Variants in APOL3 observed in about 807,000 individuals in gnomAD.
APOL3 encodes apolipoprotein L3.
A neutral mutation model predicts 11.6 loss-of-function variants in APOL3; 14 were observed. That is an observed-to-expected ratio of 1.21 (90% CI 0.80 to 1.89). APOL3 has a LOEUF of 1.89. Ranked by LOEUF, APOL3 falls within the 40% of genes most tolerant of loss-of-function variation. The probability of loss-of-function intolerance (pLI) is 0.00; values close to 1 mark genes in which losing one functional copy is unlikely to be tolerated. For missense variants in APOL3, 483 were observed against 492.1 expected, an observed-to-expected ratio of 0.98 and a Z score of 0.17; for synonymous variants, 192 against 190.6, an observed-to-expected ratio of 1.01 and a Z score of -0.06.
intron 1 of APOL3, among the ~76,000 whole-genome samples, chr22:36,155,191 C>T: frequency 6.6e-6 from 1 of 152,162 alleles, no homozygotes; most frequent in African/African-American, 2.4e-5. Context: ...CTGTCAGGCC[C>T]CTCAAAGGTA....
intron 1 of APOL3, chr22:36,149,724 C>T (rs751855966): frequency 5.1e-6 from 2 of 394,212 alleles, no homozygotes; most frequent in Non-Finnish European, 1.0e-5. Flanking sequence ...TCTTCCATGA[C>T]TGGGCTCCAC....
chr22:36,151,208 G>A (rs1285345671), intron 1 of APOL3, among the ~76,000 whole-genome samples: 1 of 152,182 alleles, frequency 6.6e-6, no homozygotes, highest in African/African-American at 2.4e-5. Flanking sequence ...ATGCCAAGGA[G>A]TTCTCATTTC....
upstream of APOL3, among the ~76,000 whole-genome samples, chr22:36,163,196 G>A (rs2013775861): frequency 6.6e-6 from 1 of 152,196 alleles, no homozygotes; most frequent in South Asian, 2.1e-4. Flanking sequence ...ACAGAGCCAG[G>A]AATCACCCTC....
At chr22:36,153,320 A>C in intron 1 of APOL3, 1 of 451,056 alleles carries the variant, frequency 2.2e-6, no homozygotes, top group South Asian at 1.6e-5. Flanking sequence ...CCACCACCTT[A>C]AAGTTGATGG....
chr22:36,149,824 C>G (rs1215316258), intron 1 of APOL3: 2 of 456,224 alleles, frequency 4.4e-6, no homozygotes, highest in South Asian at 1.5e-5. Context: ...ACTCTATGCC[C>G]AAGTGTCTGT....
intron 2 of APOL3, 38 bp downstream of exon 3, chr22:36,145,435 G>T: frequency 6.2e-6 from 10 of 1,609,486 alleles, no homozygotes; most frequent in Non-Finnish European, 8.5e-6. Context: ...GGATGGCATA[G>T]CCGGGGCGCC....
upstream of APOL3, chr22:36,161,022 C>T: frequency 2.6e-6 from 2 of 765,860 alleles, no homozygotes; most frequent in African/African-American, 1.7e-5. Context: ...GGAAGAAAGA[C>T]CTACCACTGA....
chr22:36,145,077 G>A (rs2060143247), intron 2 of APOL3, among the ~76,000 whole-genome samples: 1 of 150,182 alleles, frequency 6.7e-6, no homozygotes, highest in Non-Finnish European at 1.5e-5. Context: ...TCTCTCCCCA[G>A]CAATCTTTTT....
intron 1 of APOL3, among the ~76,000 whole-genome samples, chr22:36,154,924 T>C (rs1187424586): frequency 6.6e-6 from 1 of 152,104 alleles, no homozygotes; most frequent in Non-Finnish European, 1.5e-5. Flanking sequence ...CAATCCAGAG[T>C]GGGCTCCATT....
exon 3 of APOL3, chr22:36,141,809 G>A: frequency 6.2e-7 from 1 of 1,614,220 alleles, no homozygotes; most frequent in Non-Finnish European, 8.5e-7. Context: ...CAAGGGACAT[G>A]ATGCCAGAGG....
upstream of APOL3, among the ~76,000 whole-genome samples, chr22:36,163,563 T>C (rs2146915092): frequency 6.6e-6 from 1 of 152,348 alleles, no homozygotes; most frequent in South Asian, 2.1e-4. Context: ...AGGGGACAAA[T>C]GTTTTCAGCA....
intron 1 of APOL3, among the ~76,000 whole-genome samples, chr22:36,147,755 G>A (rs181467274): frequency 2.3e-4 from 35 of 152,346 alleles, no homozygotes; most frequent in African/African-American, 8.4e-4. Flanking sequence ...TCCAGCACTA[G>A]ATCTGTGTAT....
chr22:36,145,959 G>GACCTCTCT lies in APOL3; in HGVS notation c.224-361_224-360insAGAGAGGT, dbSNP rs1184085932. 1.1e-3 allele frequency among the ~76,000 whole-genome samples: 110 copies of GACCTCTCT among 100,116 alleles called. No homozygotes were observed. In the Middle Eastern group the frequency reaches 0.022, roughly 20 times the overall value. The allele number at this position is 100,116 out of a possible 152,430, so 65.7% of individuals were successfully genotyped here. A position where few individuals can be genotyped will look rare whatever the true frequency, so the allele number is the denominator to read the frequency against. The stretch of plus-strand genomic sequence containing the variant: ...CCCTCGCTGTCTCTCTTGCCTTCCA[G>GACCTCTCT]CCCTCTCTCCCTGTCTCTCTTTCTC... On this transcript the variant is annotated intron_variant, in intron 1 of 2. Transcript: ENST00000349314.
intron 1 of APOL3, among the ~76,000 whole-genome samples, chr22:36,151,191 T>A (rs2060420466): frequency 6.6e-6 from 1 of 152,210 alleles, no homozygotes; most frequent in African/African-American, 2.4e-5. Context: ...AATATCTTTG[T>A]ATCCTGATGC....
intron 1 of APOL3, among the ~76,000 whole-genome samples, chr22:36,146,738 A>G (rs1006137232): frequency 2.6e-5 from 4 of 152,124 alleles, no homozygotes; most frequent in Non-Finnish European, 1.5e-5. Context: ...CAAAGGTACA[A>G]ATGTTTCAAC....
At chr22:36,147,853 C>T (rs867365746) in intron 1 of APOL3, among the ~76,000 whole-genome samples, 1 of 152,184 alleles carries the variant, frequency 6.6e-6, no homozygotes, top group African/African-American at 2.4e-5. Flanking sequence ...TTCAGAAAGG[C>T]TGTAACCCCC....
chr22:36,163,799 T>C (rs2013792444), upstream of APOL3, among the ~76,000 whole-genome samples: 1 of 152,234 alleles, frequency 6.6e-6, no homozygotes, highest in Non-Finnish European at 1.5e-5. Context: ...CACACTCCTA[T>C]GTAAAACCAC....
chr22:36,149,480 A>T, intron 1 of APOL3: 1 of 1,032,484 alleles, frequency 9.7e-7, no homozygotes. Context: ...ACGTTCTGAC[A>T]ATGACCTGGG....
rs568566671 is a variant in APOL3 at position 36,147,316 on chromosome 22, T to A, written c.224-1717A>T. 9.2e-5 allele frequency among the ~76,000 whole-genome samples: 14 copies of A among 152,264 alleles called. No individual in the cohort carries two copies. In the East Asian group the frequency reaches 2.7e-3, roughly 29 times the overall value. On this transcript the variant is annotated intron_variant, in intron 1 of 2. Coordinates refer to ENST00000349314, the Ensembl canonical transcript of APOL3. Reference sequence around the variant, plus strand: ...AGGGGAGCAAGACCCTCAGCACTGATCCCTGTGGCCCTTCTGTGTTACCTC... The same window carrying A: ...AGGGGAGCAAGACCCTCAGCACTGAACCCTGTGGCCCTTCTGTGTTACCTC...
Sources: allele counts gnomAD v4.1 joint callset (sites outside exome capture counted in the v4.1 genomes callset), GRCh38; gene constraint gnomAD v4.1.1; transcripts MANE v1.5; gene names NCBI Gene and HGNC (gene_info 2026-07-23, HGNC 2026-07-21).